The following PKHD1L1 variants were observed in gnomAD, a reference collection of about 807,000 sequenced individuals.
PKHD1L1 encodes the protein fibrocystin-L.
PKHD1L1 carries 434 observed loss-of-function variants against 462.9 expected under a neutral mutation model. The observed-to-expected ratio is 0.94, with a 90% CI of 0.87 to 1.02. The LOEUF (loss-of-function observed/expected upper bound fraction) is 1.02, where lower values mean the gene tolerates loss of function less well. PKHD1L1 is among the 50% of genes least tolerant of loss of function. PKHD1L1 has a pLI of 0.00. For missense variants in PKHD1L1, 5,202 were observed against 5,096.1 expected (o/e 1.02, Z -0.63); for synonymous variants, 1,781 against 1,750.0 (o/e 1.02, Z -0.44).
chr8:109,485,908 G>T (rs1381331677), intron 58 of PKHD1L1, among the ~76,000 whole-genome samples: 1 of 151,818 alleles, frequency 6.6e-6, no homozygotes, highest in Non-Finnish European at 1.5e-5. Flanking sequence ...AAATCATAAA[G>T]AAAAGTTTTA....
At chr8:109,396,225 C>A in intron 11 of PKHD1L1, 88 bp downstream of exon 11, 1 of 937,566 alleles carries the variant, frequency 1.1e-6, no homozygotes, top group Non-Finnish European at 1.6e-6. Context: ...ATAGTCTTTT[C>A]TCAACTCATG....
At chr8:109,489,871 A>G in intron 59 of PKHD1L1, 81 bp from the exon 60 acceptor site, 2 of 856,202 alleles carry the variant, frequency 2.3e-6, no homozygotes, top group East Asian at 2.7e-5. Flanking sequence ...GAAAAATTTG[A>G]ACAACTTTGT....
chr8:109,431,206 A>C (rs1815081489), intron 27 of PKHD1L1, among the ~76,000 whole-genome samples: 3 of 152,022 alleles, frequency 2.0e-5, no homozygotes. Context: ...TTTTACATGC[A>C]CTTCCTGAAA....
At chr8:109,443,988 C>A in intron 37 of PKHD1L1, 86 bp downstream of exon 37, 1 of 1,201,340 alleles carries the variant, frequency 8.3e-7, no homozygotes, top group Non-Finnish European at 1.2e-6. Context: ...TTAATTTTTA[C>A]CAGCTTTATT....
chr8:109,485,116 A>G lies in PKHD1L1; in HGVS notation c.9649A>G (p.Ile3217Val). 6.2e-7 allele frequency: 1 copy of G among 1,600,108 alleles called. No individual in the cohort carries two copies. The highest frequency in any genetic ancestry group is 8.5e-7 in the Non-Finnish European group (1 of 1,172,386). Residue 3217 changes from isoleucine (I) to valine (V), a missense_variant, in exon 58 of 78, where the codon ATC becomes GTC. This residue lies in a region of PKHD1L1 where 4,497 missense variants were observed against 4,336.8 expected (regional missense o/e 1.04). Transcript: ENST00000378402. ...GACAGAAACAAGAAGTATCGTTAAA[A>G]TCCTGCATGATCATAAAATTCTCAT... Reference protein sequence around the residue: ...HQTETRSIVKILHDHKILILN... With the variant: ...HQTETRSIVKVLHDHKILILN...
intron 46 of PKHD1L1, 148 bp downstream of exon 46, chr8:109,456,539 C>A: frequency 1.5e-6 from 1 of 688,178 alleles, no homozygotes; most frequent in Non-Finnish European, 2.2e-6. Context: ...ACAGATTTGC[C>A]AAGTGTTAAC....
chr8:109,399,302 T>A (rs1813132112), intron 12 of PKHD1L1, among the ~76,000 whole-genome samples: 1 of 152,164 alleles, frequency 6.6e-6, no homozygotes, highest in African/African-American at 2.4e-5. Context: ...TTTGAAGTGC[T>A]CAAAGCTTAT....
At chr8:109,496,646 T>C (rs1339613169) in intron 63 of PKHD1L1, among the ~76,000 whole-genome samples, 1 of 152,168 alleles carries the variant, frequency 6.6e-6, no homozygotes, top group Admixed American at 6.5e-5. Flanking sequence ...TAGTCCCAGC[T>C]ACTCAGGAAG....
In PKHD1L1 at chr8:109,535,752, A is replaced by G. The variant is rs1821131177; in HGVS notation, c.*5662A>G. ...AGTAACAAACTGACTTAGAGGAAGG[A>G]AAATAGTAAAATACAAAAGACTAAG... On this transcript the variant is annotated 3_prime_UTR_variant, in exon 78 of 78. Transcript: ENST00000378402. Among the ~76,000 whole-genome samples the G allele has an allele frequency of 6.6e-6, 1 of 152,244 alleles. No individual in the cohort carries two copies. The highest frequency in any genetic ancestry group is 2.4e-5 in the African/African-American group (1 of 41,464).
intron 40 of PKHD1L1, among the ~76,000 whole-genome samples, chr8:109,450,370 GTTGCTTC>G (rs1180981201): frequency 6.6e-6 from 1 of 152,068 alleles, no homozygotes; most frequent in Non-Finnish European, 1.5e-5. Context: ...TCTAAATATT[GTTGCTTC>G]TTTCTCTGAC....
At chr8:109,485,448 T>A (rs901974962) in intron 58 of PKHD1L1, among the ~76,000 whole-genome samples, 30 of 151,990 alleles carry the variant, frequency 2.0e-4, no homozygotes, top group Admixed American at 6.6e-5. Flanking sequence ...GAAGCAAGCT[T>A]CCAGGTGATT....
intron 29 of PKHD1L1, among the ~76,000 whole-genome samples, 174 bp downstream of exon 29, chr8:109,435,528 T>C (rs1815360233): frequency 6.6e-6 from 1 of 152,242 alleles, no homozygotes; most frequent in African/African-American, 2.4e-5. Flanking sequence ...CTTTTGTTTC[T>C]TACAAAGCAC....
chr8:109,532,498 A>C lies in PKHD1L1; in HGVS notation c.*2408A>C, dbSNP rs1212134494. 6.6e-6 allele frequency among the ~76,000 whole-genome samples: 1 copy of C among 152,096 alleles called. No homozygotes were observed. Among genetic ancestry groups the C allele is most frequent in the Non-Finnish European group, 1.5e-5 (1 of 68,016 alleles). ...TATTTCTCTGAACATTCTGTCTCAGAAATTGATGTTTAAATTCTTAAAAAT... is the reference window on the plus strand; with the variant it reads ...TATTTCTCTGAACATTCTGTCTCAGCAATTGATGTTTAAATTCTTAAAAAT... On this transcript the variant is annotated 3_prime_UTR_variant, in exon 78 of 78. Coordinates refer to ENST00000378402, the MANE Select transcript of PKHD1L1 (RefSeq NM_177531.6).
chr8:109,441,312 T>C lies in PKHD1L1; in HGVS notation c.4137T>C (p.Asn1379=). The part of the protein sequence containing the change: ...IPCNVTSSSE[N]VIKCILHSTG... The stretch of plus-strand genomic sequence containing the variant: ...GCAATGTTACATCATCATCAGAAAA[T>C]GTCATAAAATGTATTCTTCATTCAA... The change falls in exon 34 of 78, where the codon AAT becomes AAC. Residue 1379 remains asparagine (N), a synonymous_variant. Transcript: ENST00000378402. 1 of 1,588,878 alleles carries C rather than the reference T, an allele frequency of 6.3e-7. No individual in the cohort carries two copies.
rs180721291 is a variant in PKHD1L1 at position 109,368,383 on chromosome 8, G to A, written c.163+3747G>A. ...TCATGTGACTGGGGCAAGTTATTTC[G>A]CTGAGCCTTAGCTTACTCATCAGTA... On this transcript the variant is annotated intron_variant, in intron 2 of 77. Coordinates refer to ENST00000378402, the MANE Select transcript of PKHD1L1 (RefSeq NM_177531.6). Among the ~76,000 whole-genome samples, 8 of 152,212 alleles carry A rather than the reference G, an allele frequency of 5.3e-5. No individual in the cohort carries two copies. The East Asian group carries it at 5.8e-4, about 11-fold the overall frequency.
At chr8:109,429,219 A>G (rs1814944198) in intron 25 of PKHD1L1, 121 bp from the exon 26 acceptor site, 1 of 918,806 alleles carries the variant, frequency 1.1e-6, no homozygotes, top group Non-Finnish European at 1.6e-6. Flanking sequence ...AATGGTTTTG[A>G]ATTTTATTTT....
chr8:109,483,939 G>T (rs2607633), intron 57 of PKHD1L1, among the ~76,000 whole-genome samples: 59,301 of 151,386 alleles, frequency 0.39, 11,817 homozygotes, highest in South Asian at 0.57. Flanking sequence ...AGAGTCCACA[G>T]GTTTTACAAA....
In PKHD1L1 at chr8:109,396,037, G is replaced by A; in HGVS notation, c.822G>A (p.Met274Ile). The A allele has an allele frequency of 6.3e-7, 1 of 1,598,008 alleles. No homozygotes were observed. The highest frequency in any genetic ancestry group is 8.5e-7 in the Non-Finnish European group (1 of 1,171,944). ...AMFQTYAEVT[M>I]IFPSQGSIRG... ...GTGGTTTTCCCCCAGAGGTCACCAT[G>A]ATTTTCCCTTCACAAGGAAGCATTC... Residue 274 changes from methionine to isoleucine, a missense_variant, in exon 11 of 78, where the codon ATG becomes ATA. Coordinates refer to ENST00000378402, the MANE Select transcript of PKHD1L1 (RefSeq NM_177531.6).
At chr8:109,508,333 C>A (rs564876443) in intron 70 of PKHD1L1, 69 bp downstream of exon 70, 2 of 1,447,802 alleles carry the variant, frequency 1.4e-6, no homozygotes, top group East Asian at 4.6e-5. Flanking sequence ...ATGAAGCCAT[C>A]TCATAAATTA....
Sources: gnomAD v4.1 joint callset for allele counts (sites outside exome capture counted in the v4.1 genomes callset) on GRCh38, gnomAD v4.1.1 for gene constraint, gnomAD v4.1.1 regional missense constraint, MANE v1.5 for transcripts, NCBI Gene and HGNC (gene_info 2026-07-23, HGNC 2026-07-21) for gene names.